MAPK4: variants seen among roughly 807,000 people sequenced by gnomAD.
MAPK4 encodes the protein Erk3-related.
In MAPK4, 22 loss-of-function variants were observed where a neutral mutation model predicts 47.7. The observed-to-expected ratio is 0.46, with a 90% confidence interval of 0.33 to 0.66. MAPK4 has a LOEUF of 0.66. MAPK4 is among the 30% of genes least tolerant of loss of function. MAPK4 has a pLI of 0.02. For synonymous variants in MAPK4, 390 were observed against 365.7 expected, an observed-to-expected ratio of 1.07 and a Z score of -0.76; for missense variants, 736 against 831.7, an observed-to-expected ratio of 0.88 and a Z score of 1.42.
chr18:50,582,494 A>G (rs548426455), intron 1 of MAPK4, among the ~76,000 whole-genome samples: 1 of 152,358 alleles, frequency 6.6e-6, no homozygotes, highest in South Asian at 2.1e-4. Context: ...AGGTGGGTAG[A>G]CTAGGCCAGT....
chr18:50,717,585 A>T (rs1910709216), intron 3 of MAPK4, among the ~76,000 whole-genome samples: 1 of 152,066 alleles, frequency 6.6e-6, no homozygotes, highest in Non-Finnish European at 1.5e-5. Flanking sequence ...GAATCCCACA[A>T]AATATAAGAC....
chr18:50,626,466 G>A (rs1253478133), intron 1 of MAPK4, among the ~76,000 whole-genome samples: 1 of 152,162 alleles, frequency 6.6e-6, no homozygotes, highest in Non-Finnish European at 1.5e-5. Context: ...CGGGGAGTCT[G>A]TCCCATAGCC....
intron 1 of MAPK4, among the ~76,000 whole-genome samples, chr18:50,610,806 T>G (rs1379309841): frequency 6.6e-6 from 1 of 152,184 alleles, no homozygotes; most frequent in African/African-American, 2.4e-5. Context: ...CAAAAAGATA[T>G]AACTGATCAA....
chr18:50,666,967 A>G (rs1311099950), intron 2 of MAPK4, among the ~76,000 whole-genome samples: 1 of 152,210 alleles, frequency 6.6e-6, no homozygotes, highest in East Asian at 1.9e-4. Flanking sequence ...ACAGAGAGAA[A>G]CGGCTTTCTC....
At position 50,728,670 on chromosome 18, in the gene MAPK4, T is replaced by C. The variant is rs570436850; in HGVS notation, c.1068-488T>C. Among the ~76,000 whole-genome samples, 5 of 152,326 alleles carry C rather than the reference T, an allele frequency of 3.3e-5. No individual in the cohort carries two copies. In the South Asian group the frequency reaches 1.0e-3, roughly 32 times the overall value. On this transcript the variant is annotated intron_variant, in intron 5 of 5. Coordinates refer to ENST00000400384, the MANE Select transcript of MAPK4 (RefSeq NM_002747.4). ...CTCACTGGAGCCTTGCTCCTCAAAA[T>C]GTGGGTCCAATGCCCAGCAGCATCA...
intron 1 of MAPK4, among the ~76,000 whole-genome samples, chr18:50,621,368 T>C (rs1028987326): frequency 6.6e-5 from 10 of 152,098 alleles, no homozygotes; most frequent in African/African-American, 9.7e-5. Context: ...TAAAGATACA[T>C]AGTGCTGCAG....
chr18:50,660,812 A>G lies in MAPK4; in HGVS notation c.-870-2277A>G, dbSNP rs112438380. Among the ~76,000 whole-genome samples the G allele has an allele frequency of 3.6e-4, 55 of 152,148 alleles. 1 individual carries two copies. The highest frequency in any genetic ancestry group is 6.5e-5 in the Admixed American group (1 of 15,272). ...AAAAAAGCCAGGCAGCAAAGAGTCT[A>G]TTTAGCAGCCCACAAGAAAGGTGGA... On this transcript the variant is annotated intron_variant, in intron 1 of 5. Transcript: ENST00000400384.
chr18:50,649,759 T>C (rs1387584668), intron 1 of MAPK4, among the ~76,000 whole-genome samples: 1 of 152,170 alleles, frequency 6.6e-6, no homozygotes, highest in Non-Finnish European at 1.5e-5. Context: ...GGCTGAGATC[T>C]TCCCCAGGCA....
At chr18:50,671,680 G>A (rs568534674) in intron 2 of MAPK4, among the ~76,000 whole-genome samples, 1 of 151,500 alleles carries the variant, frequency 6.6e-6, no homozygotes, top group East Asian at 1.9e-4. Flanking sequence ...CTTAAGGCAA[G>A]GAGTTTGAGA....
intron 2 of MAPK4, among the ~76,000 whole-genome samples, chr18:50,693,659 T>G (rs377216169): frequency 1.7e-4 from 26 of 152,350 alleles, no homozygotes; most frequent in African/African-American, 6.3e-4. Context: ...GACAGTAGCC[T>G]CTGGGTGGAG....
At chr18:50,625,250 A>G (rs2042766827) in intron 1 of MAPK4, among the ~76,000 whole-genome samples, 1 of 152,220 alleles carries the variant, frequency 6.6e-6, no homozygotes, top group African/African-American at 2.4e-5. Flanking sequence ...GGTCTGCATC[A>G]GGGATGGATG....
intron 1 of MAPK4, among the ~76,000 whole-genome samples, chr18:50,655,569 G>A (rs889648077): frequency 6.6e-6 from 1 of 152,166 alleles, no homozygotes. Flanking sequence ...GGGGTGGAGG[G>A]AGCAGCGCTT....
At chr18:50,620,192 A>C (rs973266117) in intron 1 of MAPK4, among the ~76,000 whole-genome samples, 1 of 152,190 alleles carries the variant, frequency 6.6e-6, no homozygotes, top group Non-Finnish European at 1.5e-5. Flanking sequence ...TTCTCCCTTC[A>C]AAAGGGGCCA....
chr18:50,566,349 G>A (rs540891344), intron 1 of MAPK4, among the ~76,000 whole-genome samples: 20 of 152,326 alleles, frequency 1.3e-4, no homozygotes, highest in Non-Finnish European at 2.6e-4. Flanking sequence ...GGGGTTTCTG[G>A]CCAGCCTTGC....
Position 50,731,705 on chromosome 18 carries a change from G to A in MAPK4, c.*1851G>A, listed in dbSNP as rs1349594888. The A allele has an allele frequency of 6.6e-6, 1 of 152,142 alleles. No homozygotes were observed. The highest frequency in any genetic ancestry group is 1.9e-4 in the East Asian group (1 of 5,200). 9.4% of individuals were successfully genotyped at this position (152,142 alleles called of 1,614,324 possible). On this transcript the variant is annotated 3_prime_UTR_variant, in exon 6 of 6. Coordinates refer to ENST00000400384, the MANE Select transcript of MAPK4 (RefSeq NM_002747.4). Reference sequence around the variant, plus strand: ...AGGAACAAGCTGCTGGCCTTGACCAGGAGTTCATATATAACTGTTATTACA... The same window carrying A: ...AGGAACAAGCTGCTGGCCTTGACCAAGAGTTCATATATAACTGTTATTACA...
intron 1 of MAPK4, among the ~76,000 whole-genome samples, chr18:50,636,600 C>T (rs931211884): frequency 4.6e-5 from 7 of 152,226 alleles, no homozygotes; most frequent in African/African-American, 1.7e-4. Flanking sequence ...TTCCACATGA[C>T]ATGTCTGCTT....
At chr18:50,725,421 C>T (rs1466745012) in intron 4 of MAPK4, among the ~76,000 whole-genome samples, 1 of 152,214 alleles carries the variant, frequency 6.6e-6, no homozygotes, top group Non-Finnish European at 1.5e-5. Flanking sequence ...CTCAGGGCTT[C>T]CTCAGGAGCA....
At chr18:50,693,547 T>G (rs771183083) in intron 2 of MAPK4, among the ~76,000 whole-genome samples, 1 of 152,214 alleles carries the variant, frequency 6.6e-6, no homozygotes, top group Non-Finnish European at 1.5e-5. Flanking sequence ...GACTTCTGAG[T>G]GCTGCACTAT....
At chr18:50,702,920 G>A (rs1030921472) in intron 2 of MAPK4, among the ~76,000 whole-genome samples, 2 of 152,200 alleles carry the variant, frequency 1.3e-5, no homozygotes, top group African/African-American at 4.8e-5. Flanking sequence ...TCTCGAACAG[G>A]TGACCCGGGA....
Sources: gnomAD v4.1 joint callset for allele counts (sites outside exome capture counted in the v4.1 genomes callset) on GRCh38, gnomAD v4.1.1 for gene constraint, MANE v1.5 for transcripts, NCBI Gene and HGNC (gene_info 2026-07-23, HGNC 2026-07-21) for gene names.